Variants in ASTN2 observed in about 807,000 individuals in gnomAD.
The protein encoded by ASTN2 is astrotactin-2.
ASTN2 carries 54 observed loss-of-function variants against 139.8 expected under a neutral mutation model. That is an observed-to-expected ratio of 0.39 (90% CI 0.31 to 0.48). The LOEUF is 0.48. Ranked by LOEUF, ASTN2 falls within the 20% of genes least tolerant of loss-of-function variation. The pLI is 0.95. For synonymous variants in ASTN2, 756 were observed against 719.5 expected (o/e 1.05, Z -0.81); for missense variants, 1,565 against 1,725.1 (o/e 0.91, Z 1.64).
chr9:116,647,652 A>G (rs1204544273), intron 17 of ASTN2, among the ~76,000 whole-genome samples: 2 of 152,156 alleles, frequency 1.3e-5, no homozygotes, highest in African/African-American at 4.8e-5. Flanking sequence ...AGTGTGCCAC[A>G]TTGCAGATGA....
rs149229033 is a variant in ASTN2 at position 116,468,641 on chromosome 9, A to C, written c.3497+18718T>G. Among the ~76,000 whole-genome samples the C allele has an allele frequency of 4.5e-4, 68 of 152,290 alleles. No homozygotes were observed. In the East Asian group the frequency reaches 6.2e-3, roughly 14 times the overall value. On this transcript the variant is annotated intron_variant, in intron 20 of 22. Transcript: ENST00000313400. ...CTTCCTATAGTTTTGTCACACCTCTAATCTGTTGCTAGTGTATTAGCCAGA... is the reference window on the plus strand; with the variant it reads ...CTTCCTATAGTTTTGTCACACCTCTCATCTGTTGCTAGTGTATTAGCCAGA...
rs146471248 is a variant in ASTN2, at chr9:116,615,780, T to C, written c.3355+2544A>G. Reference sequence around the variant, plus strand: ...TAGGAGATATACCTAATGTAAATGATGAGTTAATGGGTACAGCACACCAAC... The same window carrying C: ...TAGGAGATATACCTAATGTAAATGACGAGTTAATGGGTACAGCACACCAAC... On this transcript the variant is annotated intron_variant, in intron 19 of 22. Coordinates refer to ENST00000313400, the MANE Select transcript of ASTN2 (RefSeq NM_001365068.1). Among the ~76,000 whole-genome samples, 795 of 151,760 alleles carry C rather than the reference T, an allele frequency of 5.2e-3. 2 individuals are homozygous for C. The highest frequency in any genetic ancestry group is 9.5e-3 in the Non-Finnish European group (642 of 67,924).
chr9:116,587,346 T>TAAAA (rs1373615741), intron 19 of ASTN2, among the ~76,000 whole-genome samples: 1 of 126,216 alleles, frequency 7.9e-6, no homozygotes, highest in Non-Finnish European at 1.6e-5. Context: ...ATCTCAAATT[T>TAAAA]AAAAAAAAAA....
chr9:117,057,395 C>T (rs1839093526), intron 5 of ASTN2, among the ~76,000 whole-genome samples: 1 of 152,132 alleles, frequency 6.6e-6, no homozygotes, highest in African/African-American at 2.4e-5. Context: ...TGGTGGTTCC[C>T]TAAGTAACTA....
In ASTN2 at chr9:116,424,744, G is replaced by A. The variant is rs554258263; in HGVS notation, c.*1107C>T. The stretch of plus-strand genomic sequence containing the variant: ...TTACAGGCACGTGCCACCATGCCCT[G>A]CTATTTTTTATTTTTTGTATTGTTA... On this transcript the variant is annotated 3_prime_UTR_variant, in exon 23 of 23. Coordinates refer to ENST00000313400, the MANE Select transcript of ASTN2 (RefSeq NM_001365068.1). Among the ~76,000 whole-genome samples, 2 of 151,962 alleles carry A rather than the reference G, an allele frequency of 1.3e-5. No homozygotes were observed. The highest frequency in any genetic ancestry group is 4.2e-4 in the South Asian group (2 of 4,812).
At chr9:116,517,524 C>G (rs920176020) in intron 19 of ASTN2, among the ~76,000 whole-genome samples, 2 of 152,180 alleles carry the variant, frequency 1.3e-5, no homozygotes, top group African/African-American at 4.8e-5. Context: ...AATCCCAGAT[C>G]TTCCCTCTGA....
intron 16 of ASTN2, among the ~76,000 whole-genome samples, chr9:116,672,822 TTCTG>T (rs1313816640): frequency 5.3e-5 from 8 of 152,198 alleles, no homozygotes; most frequent in African/African-American, 1.7e-4. Flanking sequence ...GGTGTTGGGG[TTCTG>T]TCTGATTACA....
intron 6 of ASTN2, among the ~76,000 whole-genome samples, chr9:117,032,200 G>A (rs1193927285): frequency 1.3e-5 from 2 of 152,148 alleles, no homozygotes; most frequent in East Asian, 3.9e-4. Flanking sequence ...TTTTCTAGAG[G>A]AGGGAGCAAA....
At chr9:116,598,501 T>C (rs1454047812) in intron 19 of ASTN2, among the ~76,000 whole-genome samples, 1 of 152,232 alleles carries the variant, frequency 6.6e-6, no homozygotes, top group Non-Finnish European at 1.5e-5. Flanking sequence ...TTAATTGTGG[T>C]TTTTGCCATT....
At chr9:117,147,005 T>TA (rs1396677758) in intron 3 of ASTN2, among the ~76,000 whole-genome samples, 31 of 152,264 alleles carry the variant, frequency 2.0e-4, no homozygotes, top group African/African-American at 7.0e-4. Flanking sequence ...CAAAATATCA[T>TA]ACCGTACCCC....
chr9:116,492,676 T>C (rs1044152341), intron 19 of ASTN2, among the ~76,000 whole-genome samples: 2 of 152,160 alleles, frequency 1.3e-5, no homozygotes, highest in Non-Finnish European at 2.9e-5. Context: ...CTGACCACTT[T>C]ATTCAACATG....
intron 3 of ASTN2, among the ~76,000 whole-genome samples, chr9:117,193,363 G>T (rs1203984999): frequency 6.6e-6 from 1 of 152,126 alleles, no homozygotes; most frequent in East Asian, 1.9e-4. Context: ...TTTCTGGCTG[G>T]GCGTGGTGGC....
chr9:116,964,230 T>TGC, intron 10 of ASTN2, among the ~76,000 whole-genome samples: 1 of 121,648 alleles, frequency 8.2e-6, no homozygotes, highest in African/African-American at 3.0e-5. Flanking sequence ...TGTGTGTGTG[T>TGC]GTGTGTGTGT....
intron 1 of ASTN2, among the ~76,000 whole-genome samples, chr9:117,405,551 C>G (rs1188358341): frequency 1.3e-5 from 2 of 152,198 alleles, no homozygotes; most frequent in Non-Finnish European, 2.9e-5. Flanking sequence ...TCCAACTCCT[C>G]CTGTCCCCAG....
At chr9:116,746,206 C>T (rs934421550) in intron 13 of ASTN2, among the ~76,000 whole-genome samples, 3 of 151,910 alleles carry the variant, frequency 2.0e-5, no homozygotes, top group South Asian at 4.2e-4. Context: ...CCTGCCTCAC[C>T]CTCCTGAGTA....
chr9:116,955,097 C>A (rs116661922), intron 10 of ASTN2, among the ~76,000 whole-genome samples: 1 of 152,198 alleles, frequency 6.6e-6, no homozygotes, highest in African/African-American at 2.4e-5. Context: ...AGATAGAGCT[C>A]TATTGAAATA....
chr9:116,752,297 C>T lies in ASTN2; in HGVS notation c.2397-18774G>A, dbSNP rs139908843. 4.5e-3 allele frequency among the ~76,000 whole-genome samples: 680 copies of T among 152,066 alleles called. 6 individuals carry two copies. Among genetic ancestry groups the T allele is most frequent in the African/African-American group, 0.016 (651 of 41,488 alleles). ...GCTGAAACAAATAGACATCCATGTG[C>T]CAAGTAAAAAGAAGGGATGAAGAAA... On this transcript the variant is annotated intron_variant, in intron 13 of 22. Transcript: ENST00000313400.
intron 7 of ASTN2, among the ~76,000 whole-genome samples, chr9:116,978,522 CAG>C (rs55707665): frequency 2.6e-4 from 39 of 150,388 alleles, no homozygotes; most frequent in African/African-American, 8.1e-4. Flanking sequence ...CACACACACA[CAG>C]AGAGATAAAC....
rs146161250 is a variant in ASTN2 at position 117,107,363 on chromosome 9, A to G, written c.1169-11212T>C. Among the ~76,000 whole-genome samples the G allele has an allele frequency of 3.1e-3, 476 of 152,266 alleles. 1 individual carries two copies. Among genetic ancestry groups the G allele is most frequent in the Non-Finnish European group, 5.0e-3 (339 of 68,024 alleles). Reference sequence around the variant, plus strand: ...TTGATGGGTCAAAGGGTTTCGACATAGTTAAGGTTTTTTGATCTATATTGT... The same window carrying G: ...TTGATGGGTCAAAGGGTTTCGACATGGTTAAGGTTTTTTGATCTATATTGT... On this transcript the variant is annotated intron_variant, in intron 4 of 22. Transcript: ENST00000313400.
Sources: gnomAD v4.1 joint callset for allele counts (sites outside exome capture counted in the v4.1 genomes callset) on GRCh38, gnomAD v4.1.1 for gene constraint, MANE v1.5 for transcripts, NCBI Gene and HGNC (gene_info 2026-07-23, HGNC 2026-07-21) for gene names.